The following TNFSF18 variants were observed in gnomAD, a reference collection of about 807,000 sequenced individuals.
TNFSF18 encodes TNF superfamily member 18, also known as tumor necrosis factor ligand superfamily member 18.
TNFSF18 carries 6 observed loss-of-function variants against 9.6 expected under a neutral mutation model. The ratio of observed to expected loss-of-function variants is 0.63; its 90% CI spans 0.34 to 1.24. The LOEUF is 1.24. Ranked by LOEUF, TNFSF18 falls within the 50% of genes most tolerant of loss-of-function variation. The pLI is 0.03. For synonymous variants in TNFSF18, 68 were observed against 71.7 expected (o/e 0.95, Z 0.26); for missense variants, 210 against 201.0 (o/e 1.04, Z -0.27).
At chr1:173,044,082 TA>T (rs889756347) in intron 1 of TNFSF18, 113 bp from the exon 2 acceptor site, 36 of 1,009,924 alleles carry the variant, frequency 3.6e-5, no homozygotes, top group Non-Finnish European at 4.0e-5. Flanking sequence ...TCTATAACCA[TA>T]AAAAAAATCC....
At chr1:173,042,002 G>C (rs1406256499) in intron 2 of TNFSF18, among the ~76,000 whole-genome samples, 3 of 152,132 alleles carry the variant, frequency 2.0e-5, no homozygotes, top group Non-Finnish European at 4.4e-5. Flanking sequence ...ATTAATATTT[G>C]TGGGAAAAAG....
At chr1:173,043,128 C>CTT (rs1665018517) in intron 2 of TNFSF18, among the ~76,000 whole-genome samples, 1 of 152,144 alleles carries the variant, frequency 6.6e-6, no homozygotes, top group Non-Finnish European at 1.5e-5. Flanking sequence ...TAATTTCACA[C>CTT]ATGCCATGCA....
chr1:173,045,974 AGT>A (rs1665074842), intron 1 of TNFSF18, among the ~76,000 whole-genome samples: 1 of 152,072 alleles, frequency 6.6e-6, no homozygotes, highest in Non-Finnish European at 1.5e-5. Context: ...ATCAGTGGAG[AGT>A]GAGAATGGGG....
chr1:173,048,678 CT>C (rs1462575809), intron 1 of TNFSF18, among the ~76,000 whole-genome samples: 1 of 152,168 alleles, frequency 6.6e-6, no homozygotes, highest in African/African-American at 2.4e-5. Flanking sequence ...AAGTGTTACA[CT>C]TTCTTTTAAG....
Position 173,041,542 on chromosome 1 carries a change from T to C in TNFSF18, c.359A>G (p.Asn120Ser), listed in dbSNP as rs1181011514. 1.2e-6 allele frequency: 2 copies of C among 1,613,600 alleles called. No homozygotes were observed. The highest frequency in any genetic ancestry group is 1.7e-6 in the Non-Finnish European group (2 of 1,179,656). The change falls in exon 3 of 3, where the codon AAC (asparagine) becomes AGC (serine). Residue 120 changes from asparagine to serine, a missense_variant. Physicochemically the swap from Asn to Ser is conservative, Grantham distance 46 (BLOSUM62 1). Transcript: ENST00000404377. ...VAPFEVRLYKNKDMIQTLTNK... is the reference protein window; with the variant it reads ...VAPFEVRLYKSKDMIQTLTNK... ...TGTTAGAGTTTGTATCATGTCTTTGTTTTTATACAGCCGCACCTCAAAAGG... is the reference window on the plus strand; with the variant it reads ...TGTTAGAGTTTGTATCATGTCTTTGCTTTTATACAGCCGCACCTCAAAAGG...
At chr1:173,050,275 C>A (rs920608371) in intron 1 of TNFSF18, among the ~76,000 whole-genome samples, 1 of 152,102 alleles carries the variant, frequency 6.6e-6, no homozygotes, top group Non-Finnish European at 1.5e-5. Flanking sequence ...TCTTCTTACA[C>A]CTAGCTCAGG....
chr1:173,044,565 T>C (rs1218528218), intron 1 of TNFSF18, among the ~76,000 whole-genome samples: 1 of 152,120 alleles, frequency 6.6e-6, no homozygotes, highest in Non-Finnish European at 1.5e-5. Context: ...CATCAGTGTG[T>C]GGTTAATTTT....
intron 1 of TNFSF18, 29 bp downstream of exon 1, chr1:173,050,712 A>C (rs1459258847): frequency 7.0e-7 from 1 of 1,425,070 alleles, no homozygotes; most frequent in African/African-American, 1.4e-5. Flanking sequence ...TATAGCAAAT[A>C]GTAACCTTAG....
chr1:173,043,866 T>G, intron 2 of TNFSF18, 73 bp downstream of exon 2: 170 of 1,284,086 alleles, frequency 1.3e-4, no homozygotes, highest in Non-Finnish European at 1.7e-4. Flanking sequence ...CAGGTTTTCT[T>G]GAGATCACTG....
At position 173,039,743 on chromosome 1, in the gene TNFSF18, C is replaced by T. The variant is rs1009021777; in HGVS notation, c.*1624G>A. On this transcript the variant is annotated 3_prime_UTR_variant, in exon 3 of 3. Transcript: ENST00000404377. ...ATATATATACACACACACATATACA[C>T]ACACACACACACACACACACACATA... 6.8e-6 allele frequency among the ~76,000 whole-genome samples: 1 copy of T among 146,708 alleles called. No homozygotes were observed. Among genetic ancestry groups the T allele is most frequent in the Non-Finnish European group, 1.5e-5 (1 of 65,470 alleles).
At chr1:173,047,663 C>G (rs907247779) in intron 1 of TNFSF18, among the ~76,000 whole-genome samples, 35 of 152,168 alleles carry the variant, frequency 2.3e-4, no homozygotes, top group Non-Finnish European at 4.9e-4. Flanking sequence ...TCTGCACCAT[C>G]TACTAGCATG....
intron 1 of TNFSF18, 109 bp from the exon 2 acceptor site, chr1:173,044,078 A>G: frequency 1.9e-6 from 2 of 1,035,464 alleles, no homozygotes; most frequent in South Asian, 2.6e-5. Flanking sequence ...GTGTTCTATA[A>G]CCATAAAAAA....
At position 173,041,672 on chromosome 1, in the gene TNFSF18, G is replaced by T. The variant is rs1557844570; in HGVS notation, c.229C>A (p.Pro77Thr). Residue 77 changes from proline (P) to threonine (T), a missense_variant, in exon 3 of 3, where the codon CCT (proline) becomes ACT (threonine). Transcript: ENST00000404377. ...CAGTCAGACACCTTATTCACGCAAG[G>T]AGGTTCAGAAGATGCCATTTGCCAT... The part of the protein sequence containing the change: ...SKWQMASSEP[P>T]CVNKVSDWKL... The T allele has an allele frequency of 6.2e-7, 1 of 1,612,526 alleles. No homozygotes were observed.
intron 1 of TNFSF18, among the ~76,000 whole-genome samples, chr1:173,049,500 CT>C (rs1354630559): frequency 6.6e-6 from 1 of 152,144 alleles, no homozygotes; most frequent in Non-Finnish European, 1.5e-5. Flanking sequence ...AGAAATGCCT[CT>C]GTTGCACATA....
chr1:173,042,569 A>G (rs1665009873), intron 2 of TNFSF18, among the ~76,000 whole-genome samples: 1 of 152,156 alleles, frequency 6.6e-6, no homozygotes, highest in African/African-American at 2.4e-5. Flanking sequence ...TAACTTGACT[A>G]TTTAAATATA....
rs375329121 is a variant in TNFSF18, at chr1:173,041,667, G to A, written c.234C>T (p.Cys78=). The A allele has an allele frequency of 3.0e-5, 48 of 1,612,670 alleles. 1 individual carries two copies. Among genetic ancestry groups the A allele is most frequent in the South Asian group, 4.4e-5 (4 of 90,876 alleles). Residue 78 remains cysteine (C), a synonymous_variant, in exon 3 of 3, where the codon TGC becomes TGT. Transcript: ENST00000404377. ...KWQMASSEPP[C]VNKVSDWKLE... Reference sequence around the variant, plus strand: ...GCTTCCAGTCAGACACCTTATTCACGCAAGGAGGTTCAGAAGATGCCATTT... The same window carrying A: ...GCTTCCAGTCAGACACCTTATTCACACAAGGAGGTTCAGAAGATGCCATTT...
intron 1 of TNFSF18, among the ~76,000 whole-genome samples, chr1:173,047,396 A>G (rs1259672239): frequency 6.6e-6 from 1 of 152,178 alleles, no homozygotes; most frequent in Non-Finnish European, 1.5e-5. Flanking sequence ...CTTTGCCTAG[A>G]TATCCTGCCT....
At position 173,041,558 on chromosome 1, in the gene TNFSF18, C is replaced by T. The variant is rs776509697; in HGVS notation, c.343G>A (p.Val115Met). 2 of 1,613,404 alleles carry T rather than the reference C, an allele frequency of 1.2e-6. No homozygotes were observed. Among genetic ancestry groups the T allele is most frequent in the East Asian group, 2.2e-5 (1 of 44,874 alleles). Residue 115 changes from valine to methionine, a missense_variant, in exon 3 of 3, where the codon GTG (valine) becomes ATG (methionine). Val to Met is a conservative substitution (Grantham distance 21). Transcript: ENST00000404377. ...ANYNDVAPFE[V>M]RLYKNKDMIQ... The stretch of plus-strand genomic sequence containing the variant: ...ATGTCTTTGTTTTTATACAGCCGCA[C>T]CTCAAAAGGAGCTACATCATTGTAG...
intron 2 of TNFSF18, 107 bp from the exon 3 acceptor site, chr1:173,041,820 A>AATGATACGGCGACCAC: frequency 1.1e-6 from 1 of 920,842 alleles, no homozygotes; most frequent in Non-Finnish European, 1.5e-6. Flanking sequence ...TTGTTTCTTT[A>AATGATACGGCGACCAC]CCTGATCTAC....
Sources: gnomAD v4.1 joint callset for allele counts (sites outside exome capture counted in the v4.1 genomes callset) on GRCh38, gnomAD v4.1.1 for gene constraint, MANE v1.5 for transcripts, NCBI Gene and HGNC (gene_info 2026-07-23, HGNC 2026-07-21) for gene names.